Variants in ZNRF1 observed in about 807,000 individuals in gnomAD.
The protein encoded by ZNRF1 is E3 ubiquitin-protein ligase ZNRF1.
Under a neutral mutation model 18.4 loss-of-function variants are expected in ZNRF1, and 3 were observed. The ratio of observed to expected loss-of-function variants is 0.16; its 90% CI spans 0.07 to 0.42. ZNRF1 has a LOEUF of 0.42. ZNRF1 is among the 10% of genes least tolerant of loss of function. The pLI is 0.99. For synonymous variants in ZNRF1, 157 were observed against 144.2 expected, an observed-to-expected ratio of 1.09 and a Z score of -0.64; for missense variants, 310 against 329.8, an observed-to-expected ratio of 0.94 and a Z score of 0.47.
chr16:75,093,155 C>A (rs191221455), intron 1 of ZNRF1, among the ~76,000 whole-genome samples: 8 of 152,084 alleles, frequency 5.3e-5, no homozygotes, highest in Non-Finnish European at 1.0e-4. Flanking sequence ...GAGGCCGAGG[C>A]GGGTGAATCA....
chr16:75,004,764 C>T (rs2034896792), intron 1 of ZNRF1, among the ~76,000 whole-genome samples: 1 of 151,950 alleles, frequency 6.6e-6, no homozygotes, highest in Admixed American at 6.6e-5. Context: ...AGGTGCGCAC[C>T]ACTACACCTG....
At chr16:75,038,635 T>C (rs530240058) in intron 1 of ZNRF1, among the ~76,000 whole-genome samples, 1 of 152,184 alleles carries the variant, frequency 6.6e-6, no homozygotes, top group Non-Finnish European at 1.5e-5. Flanking sequence ...CAGAACACTT[T>C]CCTTGGGGAG....
chr16:75,044,258 C>G (rs748678623), intron 1 of ZNRF1, among the ~76,000 whole-genome samples: 5 of 152,030 alleles, frequency 3.3e-5, no homozygotes, highest in Non-Finnish European at 5.9e-5. Context: ...GAGACGGAGT[C>G]TCTCTCTGTT....
intron 1 of ZNRF1, among the ~76,000 whole-genome samples, chr16:75,019,652 C>G (rs903293186): frequency 6.6e-6 from 1 of 152,162 alleles, no homozygotes; most frequent in African/African-American, 2.4e-5. Flanking sequence ...GTCCTTACAT[C>G]AAGCTTATCA....
chr16:75,054,931 T>C (rs990944495), intron 1 of ZNRF1, among the ~76,000 whole-genome samples: 1 of 152,206 alleles, frequency 6.6e-6, no homozygotes, highest in Non-Finnish European at 1.5e-5. Context: ...CTTGGTCTTT[T>C]CTCCTGTCTA....
At chr16:75,018,132 G>A (rs1366151987) in intron 1 of ZNRF1, among the ~76,000 whole-genome samples, 1 of 152,232 alleles carries the variant, frequency 6.6e-6, no homozygotes, top group Non-Finnish European at 1.5e-5. Context: ...CCAGCAGGTA[G>A]TAAGTGATCA....
intron 1 of ZNRF1, among the ~76,000 whole-genome samples, chr16:75,077,599 C>T (rs1597898535): frequency 6.6e-6 from 1 of 152,166 alleles, no homozygotes; most frequent in South Asian, 2.1e-4. Flanking sequence ...GTTTTACATT[C>T]ATTTCCTGTT....
chr16:75,026,663 C>G (rs892359226), intron 1 of ZNRF1, among the ~76,000 whole-genome samples: 7 of 152,104 alleles, frequency 4.6e-5, no homozygotes, highest in Non-Finnish European at 2.9e-5. Flanking sequence ...TGGCCAGGCG[C>G]AGTGGCTCAC....
At chr16:75,073,174 G>A (rs1159293575) in intron 1 of ZNRF1, among the ~76,000 whole-genome samples, 1 of 108,302 alleles carries the variant, frequency 9.2e-6, no homozygotes, top group Non-Finnish European at 2.0e-5. Flanking sequence ...CTATATATAT[G>A]TATATATATA....
intron 1 of ZNRF1, among the ~76,000 whole-genome samples, chr16:75,092,086 C>A (rs2036146929): frequency 6.6e-6 from 1 of 152,044 alleles, no homozygotes; most frequent in Admixed American, 6.6e-5. Context: ...ACTGTTTGAG[C>A]CCAGGGGTTC....
chr16:75,003,790 A>G (rs994845403), intron 1 of ZNRF1, among the ~76,000 whole-genome samples: 2 of 152,124 alleles, frequency 1.3e-5, no homozygotes, highest in Admixed American at 6.6e-5. Context: ...CTCAGTCACA[A>G]TTTATTCATC....
intron 1 of ZNRF1, among the ~76,000 whole-genome samples, chr16:75,081,384 A>AT (rs1209364515): frequency 6.6e-6 from 1 of 152,192 alleles, no homozygotes; most frequent in Non-Finnish European, 1.5e-5. Flanking sequence ...CTTCTGCTTT[A>AT]TAGACAGCCC....
At chr16:75,080,011 G>A (rs1333942563) in intron 1 of ZNRF1, among the ~76,000 whole-genome samples, 1 of 152,258 alleles carries the variant, frequency 6.6e-6, no homozygotes, top group Non-Finnish European at 1.5e-5. Flanking sequence ...CACCTCCCGG[G>A]TTCAAGCGAT....
intron 1 of ZNRF1, among the ~76,000 whole-genome samples, chr16:75,019,525 ACAGT>A (rs1157833211): frequency 2.6e-5 from 4 of 152,302 alleles, no homozygotes; most frequent in East Asian, 1.9e-4. Context: ...GGCATACTAC[ACAGT>A]CAGTTTTCAT....
chr16:75,005,787 T>TTC lies in ZNRF1; in HGVS notation c.424+5707_424+5708dup, dbSNP rs149900094. The stretch of plus-strand genomic sequence containing the variant: ...CTGTGATAAAAGTTATGTGAATGTG[T>TTC]TCTCTCTCTCTCTCTCCCTGTCTCG... On this transcript the variant is annotated intron_variant, in intron 1 of 4. Coordinates refer to ENST00000335325, the MANE Select transcript of ZNRF1 (RefSeq NM_032268.5). Among the ~76,000 whole-genome samples the TTC allele has an allele frequency of 6.0e-3, 913 of 151,776 alleles. 4 individuals are homozygous for TTC. The highest frequency in any genetic ancestry group is 0.014 in the Middle Eastern group (4 of 292).
chr16:75,107,031 T>C lies in ZNRF1; in HGVS notation c.*32+460T>C, dbSNP rs116557163. 7.0e-3 allele frequency: 1,223 copies of C among 175,672 alleles called. 25 individuals carry two copies. The highest frequency in any genetic ancestry group is 0.027 in the African/African-American group (1,140 of 42,220). 10.9% of individuals were successfully genotyped at this position (175,672 alleles called of 1,614,324 possible). On this transcript the variant is annotated intron_variant, in intron 4 of 4. Transcript: ENST00000335325. ...TTACTAAACAGCCATGGGCAGTGCA[T>C]TGTTCCCTGCAAAGTGCTGGTCAGC...
intron 1 of ZNRF1, among the ~76,000 whole-genome samples, chr16:75,088,034 C>T (rs1700338034): frequency 6.6e-6 from 1 of 152,252 alleles, no homozygotes; most frequent in Non-Finnish European, 1.5e-5. Flanking sequence ...CAAAATCATG[C>T]AGGCCGAATG....
chr16:75,089,709 C>T (rs945567025), intron 1 of ZNRF1, among the ~76,000 whole-genome samples: 1 of 152,188 alleles, frequency 6.6e-6, no homozygotes, highest in Non-Finnish European at 1.5e-5. Flanking sequence ...ATTCCCTCAT[C>T]TGGACAGTGA....
intron 1 of ZNRF1, among the ~76,000 whole-genome samples, chr16:75,036,000 C>A (rs1426038962): frequency 6.6e-6 from 1 of 152,158 alleles, no homozygotes; most frequent in Non-Finnish European, 1.5e-5. Context: ...GCACCAGTTG[C>A]GACCAATTAT....
Sources: allele counts gnomAD v4.1 joint callset (sites outside exome capture counted in the v4.1 genomes callset), GRCh38; gene constraint gnomAD v4.1.1; transcripts MANE v1.5; gene names NCBI Gene and HGNC (gene_info 2026-07-23, HGNC 2026-07-21).